Variants in NLGN1 observed in about 807,000 individuals in gnomAD.
NLGN1 encodes the protein neuroligin-1.
NLGN1 carries 12 observed loss-of-function variants against 65.5 expected under a neutral mutation model. That is an observed-to-expected ratio of 0.18 (90% CI 0.12 to 0.30). NLGN1 has a LOEUF of 0.30. Among genes scored for constraint, NLGN1 ranks in the 10% least tolerant of loss-of-function variants. NLGN1 has a pLI of 1.00. For missense variants in NLGN1, 750 were observed against 1,007.1 expected (o/e 0.74, Z 3.46); for synonymous variants, 350 against 359.5 (o/e 0.97, Z 0.30).
At chr3:173,799,330 T>C (rs1232058499) in intron 3 of NLGN1, among the ~76,000 whole-genome samples, 1 of 152,064 alleles carries the variant, frequency 6.6e-6, no homozygotes, top group African/African-American at 2.4e-5. Context: ...ATGTCAATTA[T>C]GTGACACTTA....
Position 173,442,220 on chromosome 3 carries a change from A to G in NLGN1, c.-321+7142A>G, listed in dbSNP as rs1699017797. Among the ~76,000 whole-genome samples, 4 of 152,196 alleles carry G rather than the reference A, an allele frequency of 2.6e-5. No homozygotes were observed. The South Asian group carries it at 8.3e-4, about 32-fold the overall frequency. ...GCATTGCCTGTTTATTTTTGATTTT[A>G]AAATCATTAATTATTGAAAATCTTA... On this transcript the variant is annotated intron_variant, in intron 2 of 6. Transcript: ENST00000457714.
chr3:173,749,566 A>G lies in NLGN1; in HGVS notation c.494-58114A>G, dbSNP rs1776026302. ...CGTAACTGTTAATTTAATTAACTAG[A>G]AAGACTCCCCTTCCAAAATAAAAGG... On this transcript the variant is annotated intron_variant, in intron 3 of 6. Transcript: ENST00000457714. 2.0e-5 allele frequency among the ~76,000 whole-genome samples: 3 copies of G among 152,230 alleles called. 1 individual carries two copies. Among genetic ancestry groups the G allele is most frequent in the Middle Eastern group, 6.8e-3 (2 of 294 alleles).
Position 173,521,428 on chromosome 3 carries a change from C to T in NLGN1, c.-320-82851C>T, listed in dbSNP as rs149850944. Among the ~76,000 whole-genome samples, 154 of 151,020 alleles carry T rather than the reference C, an allele frequency of 1.0e-3. 1 individual carries two copies. The highest frequency in any genetic ancestry group is 6.8e-3 in the Middle Eastern group (2 of 294). ...AACTTTACTTGTTAAAACCATGGTT[C>T]TCCTTGTAGACAATATATGCCTAAA... On this transcript the variant is annotated intron_variant, in intron 2 of 6. Coordinates refer to ENST00000457714, the Ensembl canonical transcript of NLGN1.
chr3:174,072,542 A>T (rs147649052), intron 4 of NLGN1, among the ~76,000 whole-genome samples: 1 of 152,274 alleles, frequency 6.6e-6, no homozygotes, highest in Non-Finnish European at 1.5e-5. Flanking sequence ...AGGATACTGA[A>T]GGCAAAATAG....
At chr3:174,181,165 C>T (rs1387744070) in intron 4 of NLGN1, among the ~76,000 whole-genome samples, 1 of 152,090 alleles carries the variant, frequency 6.6e-6, no homozygotes, top group East Asian at 1.9e-4. Flanking sequence ...CTCCTCCTGG[C>T]CCTGCATACT....
chr3:173,442,912 C>T (rs1719457763), intron 2 of NLGN1, among the ~76,000 whole-genome samples: 1 of 152,160 alleles, frequency 6.6e-6, no homozygotes, highest in East Asian at 1.9e-4. Flanking sequence ...TTTAAGTAAC[C>T]CAGCAGCCTA....
intron 4 of NLGN1, among the ~76,000 whole-genome samples, chr3:173,847,958 C>T (rs958739768): frequency 6.6e-6 from 1 of 152,138 alleles, no homozygotes; most frequent in African/African-American, 2.4e-5. Context: ...CCTCACAGTC[C>T]AATGAATGGA....
intron 3 of NLGN1, among the ~76,000 whole-genome samples, chr3:173,790,876 A>T (rs1441016421): frequency 6.6e-6 from 1 of 152,174 alleles, no homozygotes; most frequent in Non-Finnish European, 1.5e-5. Context: ...ATTAGAAAAC[A>T]TGTCAAAGGT....
At chr3:173,883,817 T>TC (rs1282887690) in intron 4 of NLGN1, among the ~76,000 whole-genome samples, 2 of 147,414 alleles carry the variant, frequency 1.4e-5, no homozygotes, top group Admixed American at 6.7e-5. Context: ...AAACTTTCTT[T>TC]TTTTTTTTTT....
chr3:173,428,509 G>C (rs1022568429), intron 1 of NLGN1, among the ~76,000 whole-genome samples: 2 of 151,662 alleles, frequency 1.3e-5, no homozygotes, highest in African/African-American at 4.8e-5. Context: ...AACTTAAACT[G>C]ATGGCAACTT....
intron 4 of NLGN1, among the ~76,000 whole-genome samples, chr3:173,977,441 T>C (rs986473463): frequency 6.6e-6 from 1 of 152,002 alleles, no homozygotes; most frequent in Non-Finnish European, 1.5e-5. Context: ...GGCAACTTTA[T>C]CTGAGTTGAC....
At chr3:173,942,464 A>G (rs543392195) in intron 4 of NLGN1, among the ~76,000 whole-genome samples, 16 of 152,262 alleles carry the variant, frequency 1.1e-4, no homozygotes, top group Non-Finnish European at 1.8e-4. Flanking sequence ...AGCCTAGTTC[A>G]GGTCATTGTG....
intron 3 of NLGN1, among the ~76,000 whole-genome samples, chr3:173,633,691 A>G (rs1756112605): frequency 6.6e-6 from 1 of 152,168 alleles, no homozygotes; most frequent in Non-Finnish European, 1.5e-5. Flanking sequence ...CTTTTCTGAG[A>G]AACAGCTTCT....
chr3:173,978,069 T>G (rs1717913862), intron 4 of NLGN1, among the ~76,000 whole-genome samples: 1 of 151,978 alleles, frequency 6.6e-6, no homozygotes, highest in African/African-American at 2.4e-5. Flanking sequence ...ATGATGTCAG[T>G]GTTTATGAGA....
At chr3:173,837,419 T>C (rs1037663054) in intron 4 of NLGN1, among the ~76,000 whole-genome samples, 4 of 152,182 alleles carry the variant, frequency 2.6e-5, no homozygotes, top group African/African-American at 9.6e-5. Context: ...ACAGTAAACA[T>C]AGACAAGGCT....
chr3:174,081,055 G>C (rs1208560830), intron 4 of NLGN1, among the ~76,000 whole-genome samples: 2 of 151,880 alleles, frequency 1.3e-5, no homozygotes, highest in Non-Finnish European at 2.9e-5. Flanking sequence ...TAGTTATTGT[G>C]TTGGGTGGGC....
At chr3:173,833,269 G>A (rs192145319) in intron 4 of NLGN1, among the ~76,000 whole-genome samples, 3 of 152,156 alleles carry the variant, frequency 2.0e-5, no homozygotes, top group East Asian at 3.9e-4. Flanking sequence ...CAAACCATGT[G>A]CACTACACCA....
chr3:173,871,282 C>G (rs997918993), intron 4 of NLGN1, among the ~76,000 whole-genome samples: 1 of 151,972 alleles, frequency 6.6e-6, no homozygotes, highest in Non-Finnish European at 1.5e-5. Context: ...TATAATGAAC[C>G]AGTAGATGTG....
intron 4 of NLGN1, among the ~76,000 whole-genome samples, chr3:174,147,702 C>T (rs891075504): frequency 1.3e-5 from 2 of 152,008 alleles, no homozygotes; most frequent in Admixed American, 6.6e-5. Flanking sequence ...ACACATTGCT[C>T]ACTGGATCTG....
Sources: allele counts gnomAD v4.1 joint callset (sites outside exome capture counted in the v4.1 genomes callset), GRCh38; gene constraint gnomAD v4.1.1; transcripts MANE v1.5; gene names NCBI Gene and HGNC (gene_info 2026-07-23, HGNC 2026-07-21).